ADGRE2: variants seen among roughly 807,000 people sequenced by gnomAD.
ADGRE2 encodes adhesion G protein-coupled receptor E2.
Under a neutral mutation model 100.8 loss-of-function variants are expected in ADGRE2, and 83 were observed. That is an observed-to-expected ratio of 0.82 (90% confidence interval 0.69 to 0.99). The LOEUF (loss-of-function observed/expected upper bound fraction) is 0.99. Among genes scored for constraint, ADGRE2 ranks in the 50% least tolerant of loss-of-function variants. The probability of loss-of-function intolerance (pLI) is 0.00; values close to 1 mark genes in which losing one functional copy is unlikely to be tolerated. For missense variants in ADGRE2, 814 were observed against 1,035.7 expected, an observed-to-expected ratio of 0.79 and a Z score of 2.94; for synonymous variants, 355 against 413.0, an observed-to-expected ratio of 0.86 and a Z score of 1.70.
Position 14,752,471 on chromosome 19 carries a change from A to G in ADGRE2, c.1646T>C (p.Leu549Pro), listed in dbSNP as rs2147240812. The G allele has an allele frequency of 1.9e-6, 3 of 1,614,182 alleles. No individual in the cohort carries two copies. Among genetic ancestry groups the G allele is most frequent in the East Asian group, 4.5e-5 (2 of 44,876 alleles). The change falls in exon 15 of 21, where the codon CTG (leucine) becomes CCG (proline). Residue 549 changes from leucine (L) to proline (P), a missense_variant. Leu to Pro is a moderately conservative substitution (Grantham distance 98). Transcript: ENST00000315576. ...AGTGAGGGCCGCCAGGAGGAGGCAC[A>G]GCAGAGAGACGCTCAGCCCCATGTA... ...ITYMGLSVSLLCLLLAALTFL... is the reference protein window; with the variant it reads ...ITYMGLSVSLPCLLLAALTFL...
the ADGRE2 span, among the ~76,000 whole-genome samples, chr19:14,725,126 C>A: frequency 7.9e-5 from 12 of 152,120 alleles, no homozygotes; most frequent in Non-Finnish European, 1.2e-4. Flanking sequence ...GAAGCAGGAG[C>A]AGGAACATCA....
the ADGRE2 span, among the ~76,000 whole-genome samples, chr19:14,725,887 G>A: frequency 6.6e-6 from 1 of 152,178 alleles, no homozygotes; most frequent in Non-Finnish European, 1.5e-5. Context: ...TACCATTCTG[G>A]GGTCTGGAGG....
At position 14,735,334 on chromosome 19, in the gene ADGRE2, C is replaced by T. The variant is rs1309327344; in HGVS notation, c.*902G>A. ...CAAACTCCTGGGCTTGAGCCATCCT[C>T]CTGCCTCACCCTCCCAAAGTGCTAG... On this transcript the variant is annotated 3_prime_UTR_variant, in exon 21 of 21. Transcript: ENST00000315576. The T allele has an allele frequency of 2.6e-5, 4 of 152,080 alleles. No homozygotes were observed. 9.4% of individuals were successfully genotyped at this position (152,080 alleles called of 1,614,324 possible).
intron 12 of ADGRE2, 77 bp from the exon 13 acceptor site, chr19:14,755,954 C>A: frequency 7.9e-7 from 1 of 1,272,228 alleles, no homozygotes; most frequent in Non-Finnish European, 1.1e-6. Context: ...CTGCCCTGCA[C>A]AGAACTTTCT....
chr19:14,769,144 C>G (rs934504995), intron 5 of ADGRE2, among the ~76,000 whole-genome samples: 2 of 152,120 alleles, frequency 1.3e-5, no homozygotes, highest in Non-Finnish European at 2.9e-5. Context: ...AATCCCAGCA[C>G]TTTGGGAGGC....
chr19:14,756,390 G>T, intron 11 of ADGRE2, 45 bp from the exon 12 acceptor site: 1 of 1,300,270 alleles, frequency 7.7e-7, no homozygotes, highest in Non-Finnish European at 1.1e-6. Context: ...GTTAGGAATC[G>T]TGCCTGCAGT....
chr19:14,766,582 G>T (rs1294812740), intron 6 of ADGRE2, among the ~76,000 whole-genome samples: 1 of 152,162 alleles, frequency 6.6e-6, no homozygotes, highest in Non-Finnish European at 1.5e-5. Flanking sequence ...AGGGACCATG[G>T]TCCCCAGTTT....
At chr19:14,748,871 A>T (rs1213475106) in intron 16 of ADGRE2, among the ~76,000 whole-genome samples, 1 of 152,124 alleles carries the variant, frequency 6.6e-6, no homozygotes, top group African/African-American at 2.4e-5. Context: ...ATGAAAATGA[A>T]TGCAAAAATC....
At chr19:14,747,916 AT>A in intron 16 of ADGRE2, among the ~76,000 whole-genome samples, 1 of 152,158 alleles carries the variant, frequency 6.6e-6, no homozygotes, top group Non-Finnish European at 1.5e-5. Flanking sequence ...AGTGATAGGC[AT>A]TGTTTCCAAT....
chr19:14,737,847 G>A (rs551013876), intron 20 of ADGRE2, among the ~76,000 whole-genome samples: 2 of 151,960 alleles, frequency 1.3e-5, no homozygotes, highest in South Asian at 4.2e-4. Flanking sequence ...CTTGGTGGCA[G>A]GCGCCTGTAG....
intron 20 of ADGRE2, among the ~76,000 whole-genome samples, chr19:14,737,196 T>C (rs1229235788): frequency 6.6e-6 from 1 of 151,322 alleles, no homozygotes; most frequent in Non-Finnish European, 1.5e-5. Flanking sequence ...TTTTTTTTTT[T>C]TTCTTTTTAG....
At chr19:14,758,840 G>A (rs1311456927) in intron 11 of ADGRE2, among the ~76,000 whole-genome samples, 1 of 138,788 alleles carries the variant, frequency 7.2e-6, no homozygotes, top group African/African-American at 2.8e-5. Context: ...AGCCGAGATC[G>A]CGCCCCTGCA....
At chr19:14,773,080 C>CCA (rs1249410615) in intron 4 of ADGRE2, among the ~76,000 whole-genome samples, 2 of 45,826 alleles carry the variant, frequency 4.4e-5, no homozygotes, top group African/African-American at 2.1e-4. Context: ...GACTCCATCT[C>CCA]AAAAAAAAAA....
chr19:14,748,045 C>T (rs3094741), intron 16 of ADGRE2, among the ~76,000 whole-genome samples: 47,512 of 151,728 alleles, frequency 0.31, 7,932 homozygotes, highest in Middle Eastern at 0.39. Flanking sequence ...ATGCATGTTG[C>T]GGCGGTTTGG....
chr19:14,727,024 C>CTTTTTTTTTTTT, the ADGRE2 span, among the ~76,000 whole-genome samples: 1 of 70,098 alleles, frequency 1.4e-5, no homozygotes. Flanking sequence ...AGAAAAGAGG[C>CTTTTTTTTTTTT]TTTTTTTTTT....
chr19:14,730,614 A>G (rs527345557), downstream of ADGRE2, among the ~76,000 whole-genome samples: 98 of 152,166 alleles, frequency 6.4e-4, 1 homozygote, highest in Non-Finnish European at 1.2e-3. Context: ...AGTTTGTAAT[A>G]ACCCAAACTG....
intron 10 of ADGRE2, 46 bp downstream of exon 10, chr19:14,765,274 C>A (rs1456296885): frequency 6.2e-7 from 1 of 1,608,168 alleles, no homozygotes; most frequent in South Asian, 1.1e-5. Context: ...CTGTGGGATG[C>A]AGCCACCTTC....
chr19:14,754,477 A>ATCTATCTATCTG (rs61452345), intron 14 of ADGRE2, among the ~76,000 whole-genome samples: 26,172 of 150,166 alleles, frequency 0.17, 2,549 homozygotes, highest in South Asian at 0.27. Context: ...CTATCTATCT[A>ATCTATCTATCTG]TCTATCTATC....
intron 4 of ADGRE2, among the ~76,000 whole-genome samples, chr19:14,773,132 A>G (rs1412154154): frequency 6.9e-6 from 1 of 144,954 alleles, no homozygotes; most frequent in Non-Finnish European, 1.5e-5. Flanking sequence ...AATAAGGGAG[A>G]AAAAAAAACC....
Sources: gnomAD v4.1 joint callset for allele counts (sites outside exome capture counted in the v4.1 genomes callset) on GRCh38, gnomAD v4.1.1 for gene constraint, MANE v1.5 for transcripts, NCBI Gene and HGNC (gene_info 2026-07-23, HGNC 2026-07-21) for gene names.